Variants in POPDC2 observed in about 807,000 individuals in gnomAD.
POPDC2 encodes popeye domain cAMP effector 2, also known as popeye domain-containing protein 2.
Under a neutral mutation model 30.5 loss-of-function variants are expected in POPDC2, and 24 were observed. That is an observed-to-expected ratio of 0.79 (90% CI 0.57 to 1.11). The LOEUF is 1.11. Ranked by LOEUF, POPDC2 falls within the 50% of genes least tolerant of loss-of-function variation. The pLI is 0.00. For synonymous variants in POPDC2, 185 were observed against 183.3 expected, an observed-to-expected ratio of 1.01 and a Z score of -0.07; for missense variants, 409 against 447.0, an observed-to-expected ratio of 0.91 and a Z score of 0.77.
In POPDC2 at chr3:119,642,252, C is replaced by G; in HGVS notation, c.*353G>C. ...AGCTGGTAAAGGACGGAATCTGTGC[C>G]TCTGCACTACCAATGCCTGCTCCTG... On this transcript the variant is annotated 3_prime_UTR_variant, in exon 4 of 4. Transcript: ENST00000493094. 1 of 385,390 alleles carries G rather than the reference C, an allele frequency of 2.6e-6. No homozygotes were observed. The highest frequency in any genetic ancestry group is 4.3e-5 in the East Asian group (1 of 23,442). 23.9% of individuals were successfully genotyped at this position (385,390 alleles called of 1,614,324 possible). A position where few individuals can be genotyped will look rare whatever the true frequency, so the allele number is the denominator to read the frequency against.
At chr3:119,657,077 C>T (rs571450111) in intron 1 of POPDC2, among the ~76,000 whole-genome samples, 2 of 152,284 alleles carry the variant, frequency 1.3e-5, no homozygotes, top group African/African-American at 2.4e-5. Context: ...AAGGAGATGA[C>T]ATTTGAGCTG....
At chr3:119,659,442 A>T (rs987671691) in intron 1 of POPDC2, among the ~76,000 whole-genome samples, 6 of 152,210 alleles carry the variant, frequency 3.9e-5, no homozygotes, top group Admixed American at 3.9e-4. Flanking sequence ...AACAGGGGTT[A>T]TGAGAACCAC....
intron 3 of POPDC2, 76 bp from the exon 4 acceptor site, chr3:119,642,637 A>C: frequency 9.7e-7 from 1 of 1,028,568 alleles, no homozygotes; most frequent in South Asian, 1.4e-5. Flanking sequence ...GGTTCTTTTC[A>C]GTTTTTTTCT....
In POPDC2 at chr3:119,642,132, T is replaced by G. The variant is rs1188707560; in HGVS notation, c.*473A>C. 1.1e-5 allele frequency: 2 copies of G among 180,058 alleles called. No individual in the cohort carries two copies. Among genetic ancestry groups the G allele is most frequent in the Non-Finnish European group, 2.4e-5 (2 of 84,512 alleles). 11.2% of individuals were successfully genotyped at this position (180,058 alleles called of 1,614,324 possible). A position where few individuals can be genotyped will look rare whatever the true frequency, so the allele number is the denominator to read the frequency against. ...TAGGTGCTTACCTAAATCAACTCAT[T>G]GGATCCTCACAACAACCCTGTGAGG... is the stretch of plus-strand genomic sequence containing the variant. On this transcript the variant is annotated 3_prime_UTR_variant, in exon 4 of 4. Coordinates refer to ENST00000493094, the MANE Select transcript of POPDC2 (RefSeq NM_001369919.2).
In POPDC2 at chr3:119,648,685, G is replaced by T; in HGVS notation, c.601-17C>A. ...CAGAGTGACCTGAGAGGGGTCAGAAGCAGACAATAAAAGTTTAAACTAGAA... is the reference window on the plus strand; with the variant it reads ...CAGAGTGACCTGAGAGGGGTCAGAATCAGACAATAAAAGTTTAAACTAGAA... On this transcript the variant is annotated splice_polypyrimidine_tract_variant and intron_variant, in intron 2 of 3. Coordinates refer to ENST00000493094, the MANE Select transcript of POPDC2 (RefSeq NM_001369919.2). The T allele has an allele frequency of 6.3e-7, 1 of 1,592,964 alleles. No homozygotes were observed. The highest frequency in any genetic ancestry group is 8.5e-7 in the Non-Finnish European group (1 of 1,170,000).
At chr3:119,649,480 A>C (rs2052785857) in intron 2 of POPDC2, among the ~76,000 whole-genome samples, 1 of 152,212 alleles carries the variant, frequency 6.6e-6, no homozygotes, top group Non-Finnish European at 1.5e-5. Flanking sequence ...TTGTTAAAAT[A>C]ATGATAAGTG....
At chr3:119,649,554 C>T (rs2052786433) in intron 2 of POPDC2, among the ~76,000 whole-genome samples, 1 of 152,080 alleles carries the variant, frequency 6.6e-6, no homozygotes. Flanking sequence ...CAGAATCACA[C>T]AATTTTTAAT....
chr3:119,659,251 T>C (rs1473519439), intron 1 of POPDC2, among the ~76,000 whole-genome samples: 2 of 152,192 alleles, frequency 1.3e-5, no homozygotes, highest in Admixed American at 1.3e-4. Flanking sequence ...GTGTATCACT[T>C]CTCTTCTCCC....
At chr3:119,643,937 C>G (rs2052717255) in intron 3 of POPDC2, among the ~76,000 whole-genome samples, 1 of 152,208 alleles carries the variant, frequency 6.6e-6, no homozygotes, top group South Asian at 2.1e-4. Context: ...CAAATTAAGT[C>G]AAATTCTAAT....
At chr3:119,657,507 A>G (rs1325988017) in intron 1 of POPDC2, among the ~76,000 whole-genome samples, 2 of 152,252 alleles carry the variant, frequency 1.3e-5, no homozygotes, top group African/African-American at 2.4e-5. Flanking sequence ...GAAGCAAGAA[A>G]GTAAGGATGA....
chr3:119,660,506 A>G lies in POPDC2; in HGVS notation c.-83T>C. On this transcript the variant is annotated 5_prime_UTR_variant, in exon 1 of 4. Coordinates refer to ENST00000493094, the MANE Select transcript of POPDC2 (RefSeq NM_001369919.2). ...AGAAAATGAATGAATCCATCCGCTC[A>G]GGGGTCTTCTCACCTCCGGCTTCTC... is the stretch of plus-strand genomic sequence containing the variant. 6.9e-7 allele frequency: 1 copy of G among 1,459,812 alleles called. No individual in the cohort carries two copies. The allele number at this position is 1,459,812 out of a possible 1,614,324, so 90.4% of individuals were successfully genotyped here. A position where few individuals can be genotyped will look rare whatever the true frequency, so the allele number is the denominator to read the frequency against.
chr3:119,642,547 G>A lies in POPDC2; in HGVS notation c.*58C>T, dbSNP rs1367588735. ...GATATAACTTGAGAGTAGCTCTGGAGAGGAATTCTAGAAGCTGTGGAAAGA... is the reference window on the plus strand; with the variant it reads ...GATATAACTTGAGAGTAGCTCTGGAAAGGAATTCTAGAAGCTGTGGAAAGA... On this transcript the variant is annotated 3_prime_UTR_variant, in exon 4 of 4. Transcript: ENST00000493094. 1.2e-6 allele frequency: 2 copies of A among 1,611,690 alleles called. No individual in the cohort carries two copies. The highest frequency in any genetic ancestry group is 1.7e-6 in the Non-Finnish European group (2 of 1,177,810).
intron 3 of POPDC2, among the ~76,000 whole-genome samples, chr3:119,646,297 G>A (rs550709638): frequency 2.6e-5 from 4 of 152,166 alleles, no homozygotes; most frequent in Admixed American, 6.5e-5. Context: ...AAGTGAAGAG[G>A]GAGAAATGAA....
chr3:119,647,976 G>T, intron 3 of POPDC2, 143 bp downstream of exon 3: 2 of 586,006 alleles, frequency 3.4e-6, no homozygotes, highest in Non-Finnish European at 5.7e-6. Context: ...GGAGTGAGTT[G>T]CTATCTTCAA....
At chr3:119,656,358 T>A (rs552968351) in intron 1 of POPDC2, among the ~76,000 whole-genome samples, 44 of 152,246 alleles carry the variant, frequency 2.9e-4, no homozygotes, top group African/African-American at 1.0e-3. Context: ...AAATCCGAAT[T>A]ATTTGCTTTA....
chr3:119,642,447 T>C lies in POPDC2; in HGVS notation c.*158A>G. On this transcript the variant is annotated 3_prime_UTR_variant, in exon 4 of 4. Coordinates refer to ENST00000493094, the MANE Select transcript of POPDC2 (RefSeq NM_001369919.2). ...CTGTGAACACAGAAGAGAGCTGCGC[T>C]GGCCACAGAGAAGATAGTCCAATGA... 5 of 1,511,748 alleles carry C rather than the reference T, an allele frequency of 3.3e-6. No individual in the cohort carries two copies. The highest frequency in any genetic ancestry group is 4.6e-6 in the Non-Finnish European group (5 of 1,087,686). The allele number at this position is 1,511,748 out of a possible 1,614,324, so 93.6% of individuals were successfully genotyped here. A position where few individuals can be genotyped will look rare whatever the true frequency, so the allele number is the denominator to read the frequency against.
chr3:119,654,465 G>T, intron 2 of POPDC2, 40 bp downstream of exon 2: 1 of 1,340,338 alleles, frequency 7.5e-7, no homozygotes, highest in Non-Finnish European at 1.1e-6. Context: ...GGCTACAGTG[G>T]GATGGGGTGA....
rs545593416 is a variant in POPDC2 at position 119,656,111 on chromosome 3, A to T, written c.492-1498T>A. Among the ~76,000 whole-genome samples the T allele has an allele frequency of 1.5e-3, 227 of 152,002 alleles. No homozygotes were observed. In the South Asian group the frequency reaches 0.018, roughly 12 times the overall value. On this transcript the variant is annotated intron_variant, in intron 1 of 3. Transcript: ENST00000493094. ...CTCCTCCCTGAAGGAACTAAAAAAAATTTTTTTTTATCACGTAACTCAGAC... is the reference window on the plus strand; with the variant it reads ...CTCCTCCCTGAAGGAACTAAAAAAATTTTTTTTTTATCACGTAACTCAGAC...
At chr3:119,645,460 G>A (rs113528857) in intron 3 of POPDC2, among the ~76,000 whole-genome samples, 4 of 151,992 alleles carry the variant, frequency 2.6e-5, no homozygotes, top group African/African-American at 9.7e-5. Context: ...TACTCGGGAG[G>A]CTGAGGCAGG....
Sources: gnomAD v4.1 joint callset for allele counts (sites outside exome capture counted in the v4.1 genomes callset) on GRCh38, gnomAD v4.1.1 for gene constraint, MANE v1.5 for transcripts, NCBI Gene and HGNC (gene_info 2026-07-23, HGNC 2026-07-21) for gene names.